FAM78A: variants seen among roughly 807,000 people sequenced by gnomAD.
FAM78A encodes protein FAM78A.
In FAM78A, 12 loss-of-function variants were observed where a neutral mutation model predicts 22.6. That is an observed-to-expected ratio of 0.53 (90% CI 0.34 to 0.86). FAM78A has a LOEUF of 0.86. Among genes scored for constraint, FAM78A ranks in the 40% least tolerant of loss-of-function variants. The pLI, the probability that FAM78A is intolerant of heterozygous loss-of-function variation, is 0.02. For missense variants in FAM78A, 322 were observed against 396.1 expected (o/e 0.81, Z 1.59); for synonymous variants, 151 against 155.8 (o/e 0.97, Z 0.23).
chr9:131,266,974 G>A (rs1204961295), intron 1 of FAM78A, among the ~76,000 whole-genome samples: 2 of 152,218 alleles, frequency 1.3e-5, no homozygotes, highest in African/African-American at 4.8e-5. Flanking sequence ...GCCTCTTGTT[G>A]GACAGTCACC....
At chr9:131,277,729 G>T (rs897414291), upstream of FAM78A, among the ~76,000 whole-genome samples, 4 of 151,200 alleles carry the variant, frequency 2.6e-5, no homozygotes, top group South Asian at 4.1e-4. This position sits in a 1 kb window ranked among gnomAD's most constrained non-coding sequence, Gnocchi z 8.4. Context: ...TGGGGCTTCG[G>T]GGGGGCGGCC....
intron 1 of FAM78A, among the ~76,000 whole-genome samples, chr9:131,267,025 G>A (rs1452592452): frequency 2.0e-5 from 3 of 152,204 alleles, no homozygotes; most frequent in Admixed American, 6.5e-5. Flanking sequence ...CTGAGCACAC[G>A]GGCTGCGCCA....
intron 1 of FAM78A, chr9:131,270,211 A>G (rs958979361): frequency 1.7e-5 from 12 of 708,778 alleles, no homozygotes; most frequent in Non-Finnish European, 3.2e-5. Context: ...CATCTCAAAA[A>G]CAAGTACAAC....
intron 1 of FAM78A, chr9:131,263,825 T>C (rs1835305585): frequency 6.6e-6 from 1 of 152,436 alleles, no homozygotes. Context: ...ACCTGCTTAA[T>C]GGGCATCTCC....
In FAM78A at chr9:131,275,711, C is replaced by T; in HGVS notation, c.323+146G>A. 1.2e-6 allele frequency: 1 copy of T among 857,388 alleles called. No individual in the cohort carries two copies. The highest frequency in any genetic ancestry group is 3.6e-4 in the Middle Eastern group (1 of 2,766). The allele number at this position is 857,388 out of a possible 1,614,324, so 53.1% of individuals were successfully genotyped here. A position where few individuals can be genotyped will look rare whatever the true frequency, so the allele number is the denominator to read the frequency against. On this transcript the variant is annotated intron_variant, in intron 1 of 1. Coordinates refer to ENST00000372271, the MANE Select transcript of FAM78A (RefSeq NM_033387.4). This position sits in a 1 kb window ranked among gnomAD's most constrained non-coding sequence, Gnocchi z 4.6. ...CAGGGAGCCACCGGGCCAATGAGGC[C>T]ACCTGCATACCTGCCTAAAGCTTCC...
intron 1 of FAM78A, among the ~76,000 whole-genome samples, chr9:131,269,966 A>G (rs1308043220): frequency 2.0e-5 from 3 of 149,320 alleles, no homozygotes; most frequent in Non-Finnish European, 4.4e-5. Flanking sequence ...AGGCCGAGGC[A>G]GGCAGATCAC....
rs1395514440 is a variant in FAM78A, at chr9:131,276,148, G to C, written c.32C>G (p.Ser11Cys). ...ATACAGGAGCGCTCTGATCTCCAGGGAAGGCCAGCAGTCACAGAAAAAACC... is the reference window on the plus strand; with the variant it reads ...ATACAGGAGCGCTCTGATCTCCAGGCAAGGCCAGCAGTCACAGAAAAAACC... MPGFFCDCWP[S>C]LEIRALLYAM... Residue 11 changes from serine to cysteine, a missense_variant, in exon 1 of 2, where the codon TCC becomes TGC. Ser to Cys is a moderately radical substitution (Grantham distance 112, BLOSUM62 -1). Transcript: ENST00000372271. This position sits in a 1 kb window ranked among gnomAD's most constrained non-coding sequence, Gnocchi z 4.3. The C allele has an allele frequency of 1.9e-6, 3 of 1,613,182 alleles. No individual in the cohort carries two copies. The highest frequency in any genetic ancestry group is 1.7e-5 in the Admixed American group (1 of 60,018).
rs1173639116 is a variant in FAM78A, at chr9:131,275,424, G to C, written c.323+433C>G. Among the ~76,000 whole-genome samples the C allele has an allele frequency of 2.0e-5, 3 of 152,222 alleles. No individual in the cohort carries two copies. Among genetic ancestry groups the C allele is most frequent in the Non-Finnish European group, 4.4e-5 (3 of 68,038 alleles). On this transcript the variant is annotated intron_variant, in intron 1 of 1. Transcript: ENST00000372271. The surrounding 1 kb of genome is among the most constrained non-coding windows in gnomAD (Gnocchi z 4.6). ...CAAAGCCCTGAACACACCGGTCTGG[G>C]AGTTGCAGAGTGCCTGAATGTCTGC...
chr9:131,275,709 G>T lies in FAM78A; in HGVS notation c.323+148C>A. 1.2e-6 allele frequency: 1 copy of T among 839,090 alleles called. No homozygotes were observed. Among genetic ancestry groups the T allele is most frequent in the Non-Finnish European group, 1.8e-6 (1 of 561,942 alleles). 52.0% of individuals were successfully genotyped at this position (839,090 alleles called of 1,614,324 possible). ...TTCAGGGAGCCACCGGGCCAATGAG[G>T]CCACCTGCATACCTGCCTAAAGCTT... On this transcript the variant is annotated intron_variant, in intron 1 of 1. Coordinates refer to ENST00000372271, the MANE Select transcript of FAM78A (RefSeq NM_033387.4). This position sits in a 1 kb window ranked among gnomAD's most constrained non-coding sequence, Gnocchi z 4.6.
At position 131,258,917 on chromosome 9, in the gene FAM78A, G is replaced by GC. The variant is rs1835223344; in HGVS notation, c.*1904_*1905insG. On this transcript the variant is annotated 3_prime_UTR_variant, in exon 2 of 2. Coordinates refer to ENST00000372271, the MANE Select transcript of FAM78A (RefSeq NM_033387.4). ...CGTGCCAGCCGGCAGCTCCAGCCCA[G>GC]TGTGTCCCAGGACAGCCTCCTGGCA... is the stretch of plus-strand genomic sequence containing the variant. The GC allele has an allele frequency of 6.6e-6, 1 of 152,464 alleles. No individual in the cohort carries two copies. The highest frequency in any genetic ancestry group is 1.5e-5 in the Non-Finnish European group (1 of 68,038). The allele number at this position is 152,464 out of a possible 1,614,324, so 9.4% of individuals were successfully genotyped here.
At chr9:131,280,946 GA>G (rs1482871213), upstream of FAM78A, among the ~76,000 whole-genome samples, 1 of 152,200 alleles carries the variant, frequency 6.6e-6, no homozygotes, top group African/African-American at 2.4e-5. Flanking sequence ...GGTGAAGAGG[GA>G]GGGGTGGATG....
At chr9:131,270,497 G>A (rs1475428800) in intron 1 of FAM78A, 2 of 716,056 alleles carry the variant, frequency 2.8e-6, no homozygotes, top group African/African-American at 3.5e-5. Context: ...TTGGAAGGTG[G>A]ATGAGGGCTG....
chr9:131,279,204 G>C (rs920582416), upstream of FAM78A, among the ~76,000 whole-genome samples: 2 of 152,236 alleles, frequency 1.3e-5, no homozygotes, highest in Non-Finnish European at 2.9e-5. Flanking sequence ...CCCTTGGCCT[G>C]TTGGACACAG....
At chr9:131,269,879 G>A (rs1465070188) in intron 1 of FAM78A, among the ~76,000 whole-genome samples, 2 of 151,982 alleles carry the variant, frequency 1.3e-5, no homozygotes, top group East Asian at 3.9e-4. Context: ...TGAGCTAGGG[G>A]CACAAAGTTT....
Position 131,266,302 on chromosome 9 carries a change from G to A in FAM78A, c.324-4952C>T, listed in dbSNP as rs138666130. Among the ~76,000 whole-genome samples the A allele has an allele frequency of 1.0e-3, 152 of 152,238 alleles. 1 individual carries two copies. Among genetic ancestry groups the A allele is most frequent in the Admixed American group, 2.4e-3 (36 of 15,304 alleles). ...ACTCCCCTATGCCCTTAAAACCGAC[G>A]CAATTGAAGCCTAGAGCCCTGCGTG... On this transcript the variant is annotated intron_variant, in intron 1 of 1. Coordinates refer to ENST00000372271, the MANE Select transcript of FAM78A (RefSeq NM_033387.4).
chr9:131,264,354 C>T lies in FAM78A; in HGVS notation c.324-3004G>A, dbSNP rs577605781. The T allele has an allele frequency of 1.0e-3, 535 of 518,992 alleles. 9 individuals are homozygous for T. In the South Asian group the frequency reaches 0.013, roughly 13 times the overall value. The allele number at this position is 518,992 out of a possible 1,614,324, so 32.1% of individuals were successfully genotyped here. On this transcript the variant is annotated intron_variant, in intron 1 of 1. Coordinates refer to ENST00000372271, the MANE Select transcript of FAM78A (RefSeq NM_033387.4). ...CAGGCTGGCAGACAGCACTGCGTCA[C>T]GCGGGGCATGGCTCAGGGCCAGGGC... is the stretch of plus-strand genomic sequence containing the variant.
chr9:131,267,040 C>T (rs1835354670), intron 1 of FAM78A, among the ~76,000 whole-genome samples: 2 of 152,244 alleles, frequency 1.3e-5, no homozygotes, highest in Non-Finnish European at 2.9e-5. Context: ...GCGCCAGGCA[C>T]CACACCTCCC....
rs549457128 is a variant in FAM78A, at chr9:131,260,687, C to A, written c.*135G>T. ...AGAGCCGGGGAGGCCTTCCCGGGGG[C>A]ATCAGCACAGTGAGATCCGCCCGCT... On this transcript the variant is annotated 3_prime_UTR_variant, in exon 2 of 2. Transcript: ENST00000372271. This position sits in a 1 kb window ranked among gnomAD's most constrained non-coding sequence, Gnocchi z 5.4. 8.8e-7 allele frequency: 1 copy of A among 1,134,874 alleles called. No homozygotes were observed. Among genetic ancestry groups the A allele is most frequent in the Non-Finnish European group, 1.2e-6 (1 of 830,700 alleles). The allele number at this position is 1,134,874 out of a possible 1,614,324, so 70.3% of individuals were successfully genotyped here.
chr9:131,260,960 G>T lies in FAM78A; in HGVS notation c.714C>A (p.Asp238Glu). Residue 238 changes from aspartate to glutamate, a missense_variant, in exon 2 of 2, where the codon GAC (aspartate) becomes GAA (glutamate). Coordinates refer to ENST00000372271, the MANE Select transcript of FAM78A (RefSeq NM_033387.4). The surrounding 1 kb of genome is among the most constrained non-coding windows in gnomAD (Gnocchi z 5.4). ...RARLREPIAQ[D>E]QPKILSKNEP... The stretch of plus-strand genomic sequence containing the variant: ...CATTCTTGCTCAGGATTTTGGGCTG[G>T]TCCTGGGCGATGGGCTCCCGCAGCC... The T allele has an allele frequency of 6.2e-7, 1 of 1,612,540 alleles. No individual in the cohort carries two copies. Among genetic ancestry groups the T allele is most frequent in the Non-Finnish European group, 8.5e-7 (1 of 1,179,224 alleles).
Sources: gnomAD v4.1 joint callset for allele counts (sites outside exome capture counted in the v4.1 genomes callset) on GRCh38, gnomAD v4.1.1 for gene constraint, Gnocchi (gnomAD v3.1) non-coding constraint, MANE v1.5 for transcripts, NCBI Gene and HGNC (gene_info 2026-07-23, HGNC 2026-07-21) for gene names.